NRSN2: variants seen among roughly 807,000 people sequenced by gnomAD.
NRSN2 encodes the protein neurensin-2.
NRSN2 carries 10 observed loss-of-function variants against 11.1 expected under a neutral mutation model. That is an observed-to-expected ratio of 0.90 (90% CI 0.56 to 1.53). The LOEUF is 1.53. NRSN2 is among the 40% of genes most tolerant of loss of function. The pLI is 0.00. For synonymous variants in NRSN2, 100 were observed against 117.0 expected, an observed-to-expected ratio of 0.86 and a Z score of 0.94; for missense variants, 260 against 273.7, an observed-to-expected ratio of 0.95 and a Z score of 0.35.
At chr20:352,779 T>C (rs1231497227) in intron 4 of NRSN2, among the ~76,000 whole-genome samples, 3 of 152,036 alleles carry the variant, frequency 2.0e-5, no homozygotes, top group African/African-American at 7.2e-5. Flanking sequence ...CAATGGTAAG[T>C]GTATTGAAGA....
At chr20:351,016 G>T (rs763570824) in intron 4 of NRSN2, among the ~76,000 whole-genome samples, 23 of 152,204 alleles carry the variant, frequency 1.5e-4, no homozygotes, top group Non-Finnish European at 3.1e-4. Flanking sequence ...ATCACCTGAG[G>T]TCAGGAGTTC....
intron 4 of NRSN2, among the ~76,000 whole-genome samples, chr20:350,646 CAAAAAAAAAAAAAAAAA>C (rs56188179): frequency 2.0e-4 from 8 of 39,400 alleles, no homozygotes; most frequent in African/African-American, 7.7e-4. Flanking sequence ...GACTCTGTCT[CAAAAAAAAAAAAAAAAA>C]AAAAAAAAAA....
rs2013759560 is a variant in NRSN2, at chr20:349,648, T to C, written c.5T>C (p.Met2Thr). The C allele has an allele frequency of 1.9e-6, 3 of 1,610,514 alleles. No homozygotes were observed. The highest frequency in any genetic ancestry group is 1.3e-5 in the African/African-American group (1 of 74,868). Residue 2 changes from methionine (M) to threonine (T), a missense_variant, in exon 4 of 5, where the codon ATG becomes ACG. Physicochemically the swap from Met to Thr is moderately conservative, Grantham distance 81. Transcript: ENST00000382285. M[M>T]PSCNRSCSCS... The stretch of plus-strand genomic sequence containing the variant: ...TTACCTGCTCCCCAGGGGTCCATGA[T>C]GCCGAGCTGCAATCGTTCCTGCAGC...
chr20:349,761 G>A lies in NRSN2; in HGVS notation c.118G>A (p.Ala40Thr). The stretch of plus-strand genomic sequence containing the variant: ...CTTCTATGAGGACTGTGCAGGCACT[G>A]CTCTCAGCGACGACCCTGAGGGACC... ...HLFYEDCAGTALSDDPEGPPV... is the reference protein window; with the variant it reads ...HLFYEDCAGTTLSDDPEGPPV... The change falls in exon 4 of 5, where the codon GCT becomes ACT. Residue 40 changes from alanine to threonine, a missense_variant. Transcript: ENST00000382285. 2 of 1,613,514 alleles carry A rather than the reference G, an allele frequency of 1.2e-6. No homozygotes were observed. Among genetic ancestry groups the A allele is most frequent in the Middle Eastern group, 1.7e-4 (1 of 6,026 alleles).
chr20:349,980 T>G, intron 4 of NRSN2, 148 bp downstream of exon 4: 2 of 589,628 alleles, frequency 3.4e-6, no homozygotes, highest in Non-Finnish European at 5.6e-6. Context: ...TCAAATGGGT[T>G]TAAATAATGA....
chr20:350,198 G>T (rs1446417971), intron 4 of NRSN2, among the ~76,000 whole-genome samples: 2 of 151,760 alleles, frequency 1.3e-5, no homozygotes. Flanking sequence ...AAATGGACCG[G>T]GTGCGGTAGT....
chr20:348,509 G>GTGTGTT (rs1351231895), intron 2 of NRSN2: 6 of 152,332 alleles, frequency 3.9e-5, no homozygotes, highest in Non-Finnish European at 8.5e-5. Flanking sequence ...GTGTGTGTGT[G>GTGTGTT]TGTGTGTGTG....
chr20:349,609 C>T, intron 3 of NRSN2, 29 bp from the exon 4 acceptor site: 1 of 1,576,842 alleles, frequency 6.3e-7, no homozygotes, highest in Non-Finnish European at 8.6e-7. Context: ...ATCCCTCCCT[C>T]CGTCAGCTGC....
Position 353,982 on chromosome 20 carries a change from G to A in NRSN2, c.*347G>A. On this transcript the variant is annotated 3_prime_UTR_variant, in exon 5 of 5. Transcript: ENST00000382285. ...CCATCAGCTCCTGCCTCTCTGCCAT[G>A]AGGGCTTTGGATCAGATTCCTCTTC... 1 of 309,998 alleles carries A rather than the reference G, an allele frequency of 3.2e-6. No homozygotes were observed. 19.2% of individuals were successfully genotyped at this position (309,998 alleles called of 1,614,324 possible). A position where few individuals can be genotyped will look rare whatever the true frequency, so the allele number is the denominator to read the frequency against.
Position 349,746 on chromosome 20 carries a change from G to T in NRSN2, c.103G>T (p.Asp35Tyr). The T allele has an allele frequency of 1.2e-6, 2 of 1,613,530 alleles. No homozygotes were observed. The highest frequency in any genetic ancestry group is 1.7e-6 in the Non-Finnish European group (2 of 1,180,026). ...CTCCTACCTGCACCTCTTCTATGAG[G>T]ACTGTGCAGGCACTGCTCTCAGCGA... ...VRSYLHLFYE[D>Y]CAGTALSDDP... Residue 35 changes from aspartate to tyrosine, a missense_variant, in exon 4 of 5, where the codon GAC (aspartate) becomes TAC (tyrosine). Asp to Tyr is a radical substitution (Grantham distance 160). Transcript: ENST00000382285.
rs964699394 is a variant in NRSN2 at position 347,420 on chromosome 20, CCT to C, written c.-200-9_-200-8del. 3.9e-5 allele frequency: 6 copies of C among 152,428 alleles called. No homozygotes were observed. The highest frequency in any genetic ancestry group is 7.3e-5 in the Non-Finnish European group (5 of 68,212). The allele number at this position is 152,428 out of a possible 1,614,324, so 9.4% of individuals were successfully genotyped here. ...AACACTTCAAAAACCCATTCCTACC[CCT>C]CTCTGCCTCAGTTTCTCTCTAGGGA... On this transcript the variant is annotated splice_polypyrimidine_tract_variant and intron_variant, in intron 1 of 4. Transcript: ENST00000382285. This position sits in a 1 kb window ranked among gnomAD's most constrained non-coding sequence, Gnocchi z 7.0.
At position 353,297 on chromosome 20, in the gene NRSN2, A is replaced by G. The variant is rs779017344; in HGVS notation, c.277A>G (p.Ile93Val). 3 of 1,614,064 alleles carry G rather than the reference A, an allele frequency of 1.9e-6. No individual in the cohort carries two copies. Among genetic ancestry groups the G allele is most frequent in the Non-Finnish European group, 2.5e-6 (3 of 1,180,032 alleles). The change falls in exon 5 of 5, where the codon ATC becomes GTC. Residue 93 changes from isoleucine to valine, a missense_variant. Coordinates refer to ENST00000382285, the MANE Select transcript of NRSN2 (RefSeq NM_001323682.2). ...TGCAGTGCCCCCCAAGCTGGAGGGC[A>G]TCGGTGAGGGTGAGTTCCTGGTGTT... The part of the protein sequence containing the change: ...GYAVPPKLEG[I>V]GEGEFLVLDQ...
chr20:350,531 C>T (rs1217618749), intron 4 of NRSN2, among the ~76,000 whole-genome samples: 1 of 148,884 alleles, frequency 6.7e-6, no homozygotes, highest in East Asian at 2.0e-4. Flanking sequence ...GCCTGTAATC[C>T]CAGTTACTTA....
At position 347,568 on chromosome 20, in the gene NRSN2, TC is replaced by T. The variant is rs1174398422; in HGVS notation, c.-122+63del. The T allele has an allele frequency of 5.3e-5, 8 of 149,828 alleles. No individual in the cohort carries two copies. Among genetic ancestry groups the T allele is most frequent in the East Asian group, 2.0e-4 (1 of 4,980 alleles). The allele number at this position is 149,828 out of a possible 1,614,324, so 9.3% of individuals were successfully genotyped here. On this transcript the variant is annotated intron_variant, in intron 2 of 4. Transcript: ENST00000382285. The surrounding 1 kb of genome is among the most constrained non-coding windows in gnomAD (Gnocchi z 7.0). ...TTCCCCGGCCGACACCCCCTACCCA[TC>T]CCCCCCGGGAGGGCGCCCCTTCTCC...
At chr20:350,213 G>A (rs953579583) in intron 4 of NRSN2, among the ~76,000 whole-genome samples, 2 of 152,006 alleles carry the variant, frequency 1.3e-5, no homozygotes, top group South Asian at 2.1e-4. Flanking sequence ...GGTAGTTCAC[G>A]CCTGTAATCC....
At chr20:350,665 A>G (rs997561512) in intron 4 of NRSN2, among the ~76,000 whole-genome samples, 5 of 120,968 alleles carry the variant, frequency 4.1e-5, no homozygotes, top group Non-Finnish European at 7.4e-5. Context: ...AAAAAAAAAA[A>G]AAAAAAAAAA....
In NRSN2 at chr20:349,649, G is replaced by A; in HGVS notation, c.6G>A (p.Met2Ile). The change falls in exon 4 of 5, where the codon ATG becomes ATA. Residue 2 changes from methionine to isoleucine, a missense_variant. Transcript: ENST00000382285. ...TACCTGCTCCCCAGGGGTCCATGATGCCGAGCTGCAATCGTTCCTGCAGCT... is the reference window on the plus strand; with the variant it reads ...TACCTGCTCCCCAGGGGTCCATGATACCGAGCTGCAATCGTTCCTGCAGCT... M[M>I]PSCNRSCSCS... The A allele has an allele frequency of 1.2e-5, 19 of 1,610,662 alleles. No homozygotes were observed. The highest frequency in any genetic ancestry group is 1.5e-5 in the Non-Finnish European group (18 of 1,178,986).
rs769849153 is a variant in NRSN2, at chr20:353,286, A to T, written c.266A>T (p.Lys89Met). ...ALTTGYAVPP[K>M]LEGIGEGEFL... ...ACCACTGGCTATGCAGTGCCCCCCA[A>T]GCTGGAGGGCATCGGTGAGGGTGAG... The change falls in exon 5 of 5, where the codon AAG (lysine) becomes ATG (methionine). Residue 89 changes from lysine (K) to methionine (M), a missense_variant. Transcript: ENST00000382285. 6.2e-7 allele frequency: 1 copy of T among 1,614,024 alleles called. No individual in the cohort carries two copies. The highest frequency in any genetic ancestry group is 8.5e-7 in the Non-Finnish European group (1 of 1,179,978).
intron 4 of NRSN2, among the ~76,000 whole-genome samples, chr20:352,352 A>G (rs934218486): frequency 5.9e-5 from 9 of 152,176 alleles, no homozygotes; most frequent in Non-Finnish European, 1.3e-4. Flanking sequence ...CTTTCAAAGG[A>G]CTTCACTCTA....
Sources: gnomAD v4.1 joint callset for allele counts (sites outside exome capture counted in the v4.1 genomes callset) on GRCh38, gnomAD v4.1.1 for gene constraint, Gnocchi (gnomAD v3.1) non-coding constraint, MANE v1.5 for transcripts, NCBI Gene and HGNC (gene_info 2026-07-23, HGNC 2026-07-21) for gene names.